The following NFIC variants were observed in gnomAD, a reference collection of about 807,000 sequenced individuals.
NFIC encodes the protein nuclear factor 1 C-type.
NFIC carries 12 observed loss-of-function variants against 54.4 expected under a neutral mutation model. The observed-to-expected ratio is 0.22, with a 90% CI of 0.14 to 0.36. The LOEUF (loss-of-function observed/expected upper bound fraction) is 0.36, where lower values mean the gene tolerates loss of function less well. Among genes scored for constraint, NFIC ranks in the 10% least tolerant of loss-of-function variants. NFIC has a pLI of 1.00. For synonymous variants in NFIC, 322 were observed against 319.2 expected, an observed-to-expected ratio of 1.01 and a Z score of -0.09; for missense variants, 575 against 718.2, an observed-to-expected ratio of 0.80 and a Z score of 2.28.
intron 2 of NFIC, among the ~76,000 whole-genome samples, chr19:3,418,092 T>C (rs2081895482): frequency 6.6e-6 from 1 of 150,862 alleles, no homozygotes; most frequent in Non-Finnish European, 1.5e-5. Flanking sequence ...AAATTTAATT[T>C]TCTTTTCTTT....
At chr19:3,419,020 G>A (rs901869212) in intron 2 of NFIC, among the ~76,000 whole-genome samples, 7 of 152,058 alleles carry the variant, frequency 4.6e-5, no homozygotes, top group African/African-American at 1.7e-4. Context: ...CCCTAGAGTC[G>A]TCAGATTCAT....
Position 3,381,939 on chromosome 19 carries a change from C to T in NFIC, c.258C>T (p.Pro86=), listed in dbSNP as rs749826547. The change falls in exon 2 of 11, where the codon CCC becomes CCT. Residue 86 remains proline (P), a synonymous_variant. Coordinates refer to ENST00000443272, the MANE Select transcript of NFIC (RefSeq NM_001245002.2). Reference sequence around the variant, plus strand: ...CCAAGCTGCGCAAGGACATCCGGCCCGAGTGCCGCGAGGACTTCGTGCTGA... The same window carrying T: ...CCAAGCTGCGCAAGGACATCCGGCCTGAGTGCCGCGAGGACTTCGTGCTGA... ...LLAKLRKDIR[P]ECREDFVLSI... 2.2e-5 allele frequency: 36 copies of T among 1,613,416 alleles called. No homozygotes were observed. The Admixed American group carries it at 5.3e-4, about 24-fold the overall frequency.
chr19:3,452,159 A>G lies in NFIC; in HGVS notation c.1085-323A>G, dbSNP rs886110967. Among the ~76,000 whole-genome samples the G allele has an allele frequency of 1.3e-5, 2 of 150,340 alleles. No homozygotes were observed. Among genetic ancestry groups the G allele is most frequent in the African/African-American group, 4.9e-5 (2 of 40,718 alleles). Reference sequence around the variant, plus strand: ...AGTGGGTTACACCTGTAATCCCCGCACTTTGGGAGGCCTAGGAGGGAGGAT... The same window carrying G: ...AGTGGGTTACACCTGTAATCCCCGCGCTTTGGGAGGCCTAGGAGGGAGGAT... On this transcript the variant is annotated intron_variant, in intron 7 of 10. Transcript: ENST00000443272. This position sits in a 1 kb window ranked among gnomAD's most constrained non-coding sequence, Gnocchi z 5.3.
intron 6 of NFIC, among the ~76,000 whole-genome samples, chr19:3,447,809 G>T (rs1467935049): frequency 6.6e-6 from 1 of 152,220 alleles, no homozygotes; most frequent in Non-Finnish European, 1.5e-5. Context: ...CACACCCAGG[G>T]GCTTTCCAGG....
chr19:3,362,142 T>A (rs2080819720), upstream of NFIC, among the ~76,000 whole-genome samples: 1 of 152,070 alleles, frequency 6.6e-6, no homozygotes, highest in African/African-American at 2.4e-5. Context: ...GGAGGTGGCG[T>A]GCTGTGTGTC....
chr19:3,439,221 G>T (rs952818805), intron 6 of NFIC, among the ~76,000 whole-genome samples: 2 of 150,348 alleles, frequency 1.3e-5, no homozygotes, highest in Admixed American at 1.3e-4. Context: ...TGTAGTCCCA[G>T]CTCCTTGGGA....
chr19:3,447,498 C>T (rs552537989), intron 6 of NFIC, among the ~76,000 whole-genome samples: 8 of 152,212 alleles, frequency 5.3e-5, no homozygotes, highest in East Asian at 1.9e-4. Context: ...GCAGCAGCAG[C>T]GGCTCCTGCA....
At chr19:3,443,103 A>G (rs1314284049) in intron 6 of NFIC, among the ~76,000 whole-genome samples, 1 of 152,182 alleles carries the variant, frequency 6.6e-6, no homozygotes, top group Non-Finnish European at 1.5e-5. Flanking sequence ...CCCAATGTCT[A>G]CAGTGCTGAG....
At chr19:3,408,206 G>A (rs897533091) in intron 2 of NFIC, among the ~76,000 whole-genome samples, 1 of 152,266 alleles carries the variant, frequency 6.6e-6, no homozygotes, top group East Asian at 1.9e-4. Context: ...CCCTGCTGGG[G>A]CCCAAGTGGA....
intron 6 of NFIC, 86 bp downstream of exon 6, chr19:3,435,293 C>G (rs1409551616): frequency 2.8e-6 from 4 of 1,429,730 alleles, no homozygotes; most frequent in Non-Finnish European, 3.7e-6. Context: ...ACTGCGCGGG[C>G]GCCGCGGGGC....
exon 1 of NFIC, chr19:3,359,679 C>A: frequency 7.0e-7 from 1 of 1,422,142 alleles, no homozygotes; most frequent in South Asian, 1.4e-5. Flanking sequence ...CTCGCAGCAG[C>A]GCCATGGTAC....
At chr19:3,429,322 TA>T (rs2082085548) in intron 3 of NFIC, among the ~76,000 whole-genome samples, 1 of 125,198 alleles carries the variant, frequency 8.0e-6, no homozygotes, top group African/African-American at 3.1e-5. Context: ...TGCATGCCTG[TA>T]ATCCCAGCTA....
rs1276926477 is a variant in NFIC, at chr19:3,466,815, A to C, written c.*4046A>C. The C allele has an allele frequency of 6.6e-6, 1 of 151,900 alleles. No homozygotes were observed. Among genetic ancestry groups the C allele is most frequent in the African/African-American group, 2.4e-5 (1 of 41,284 alleles). The allele number at this position is 151,900 out of a possible 1,614,324, so 9.4% of individuals were successfully genotyped here. A position where few individuals can be genotyped will look rare whatever the true frequency, so the allele number is the denominator to read the frequency against. On this transcript the variant is annotated 3_prime_UTR_variant, in exon 11 of 11. Transcript: ENST00000443272. The surrounding 1 kb of genome is among the most constrained non-coding windows in gnomAD (Gnocchi z 4.8). ...GGCCCAGAGTCCTGGGCTGGACGCC[A>C]CCCTTCTCACCCCGAGCTTGCCTCC... is the stretch of plus-strand genomic sequence containing the variant.
chr19:3,417,887 C>T (rs1037835999), intron 2 of NFIC, among the ~76,000 whole-genome samples: 1 of 150,046 alleles, frequency 6.7e-6, no homozygotes, highest in African/African-American at 2.5e-5. Context: ...ATCCGCCCGC[C>T]TCGGCCTGTC....
intron 6 of NFIC, 23 bp from the exon 7 acceptor site, chr19:3,448,991 C>G (rs1437412624): frequency 1.2e-6 from 2 of 1,606,724 alleles, no homozygotes. Context: ...GCCTGTGACT[C>G]TCTCGTCCCA....
At chr19:3,434,654 A>C (rs1367614951) in intron 5 of NFIC, among the ~76,000 whole-genome samples, 3 of 151,680 alleles carry the variant, frequency 2.0e-5, no homozygotes, top group Non-Finnish European at 2.9e-5. Flanking sequence ...GACCCTCCCC[A>C]CCCAGAAGAA....
intron 1 of NFIC, among the ~76,000 whole-genome samples, chr19:3,373,221 C>T (rs887029240): frequency 6.6e-5 from 10 of 152,358 alleles, no homozygotes; most frequent in African/African-American, 2.4e-4. Context: ...TGCCTCTCTC[C>T]TCCACCTCCT....
rs2082589893 is a variant in NFIC at position 3,458,266 on chromosome 19, C to CTGAT, written c.1509+1632_1509+1635dup. Reference sequence around the variant, plus strand: ...TGGCCAACCTCTCCCCCGCCTGGTGCTGATGGAGCCCGGCATTACCTCTGC... The same window carrying CTGAT: ...TGGCCAACCTCTCCCCCGCCTGGTGCTGATTGATGGAGCCCGGCATTACCTCTGC... On this transcript the variant is annotated intron_variant, in intron 10 of 10. Transcript: ENST00000443272. This position sits in a 1 kb window ranked among gnomAD's most constrained non-coding sequence, Gnocchi z 4.1. Among the ~76,000 whole-genome samples, 1 of 152,194 alleles carries CTGAT rather than the reference C, an allele frequency of 6.6e-6. No homozygotes were observed. The highest frequency in any genetic ancestry group is 1.5e-5 in the Non-Finnish European group (1 of 68,026).
At chr19:3,454,357 CAGAG>C in intron 9 of NFIC, 1 of 804,786 alleles carries the variant, frequency 1.2e-6, no homozygotes, top group Non-Finnish European at 1.5e-6. Flanking sequence ...TAAACATTTC[CAGAG>C]TTCTGGCTTC....
Sources: allele counts gnomAD v4.1 joint callset (sites outside exome capture counted in the v4.1 genomes callset), GRCh38; gene constraint gnomAD v4.1.1; non-coding constraint Gnocchi (gnomAD v3.1); transcripts MANE v1.5; gene names NCBI Gene and HGNC (gene_info 2026-07-23, HGNC 2026-07-21).